MTA3: variants seen among roughly 807,000 people sequenced by gnomAD.
MTA3 encodes the protein metastasis-associated protein MTA3.
MTA3 carries 34 observed loss-of-function variants against 83.5 expected under a neutral mutation model. That is an observed-to-expected ratio of 0.41 (90% CI 0.31 to 0.54). The LOEUF (loss-of-function observed/expected upper bound fraction) is 0.54, where lower values mean the gene tolerates loss of function less well. MTA3 is among the 20% of genes least tolerant of loss of function. MTA3 has a pLI of 0.33. For missense variants in MTA3, 761 were observed against 726.4 expected (o/e 1.05, Z -0.55); for synonymous variants, 303 against 252.7 (o/e 1.20, Z -1.89).
At chr2:42,629,915 A>G (rs1195062573) in intron 4 of MTA3, among the ~76,000 whole-genome samples, 1 of 151,940 alleles carries the variant, frequency 6.6e-6, no homozygotes, top group Non-Finnish European at 1.5e-5. Context: ...AGTAGCTGGG[A>G]TTACAGCGGC....
intron 8 of MTA3, among the ~76,000 whole-genome samples, chr2:42,661,426 G>A (rs1689697122): frequency 1.3e-5 from 2 of 149,062 alleles, no homozygotes; most frequent in African/African-American, 5.0e-5. Context: ...GCTTGAGCCT[G>A]GGAGGAGAGG....
At chr2:42,641,000 G>A (rs1573433275) in intron 5 of MTA3, among the ~76,000 whole-genome samples, 2 of 152,028 alleles carry the variant, frequency 1.3e-5, no homozygotes, top group African/African-American at 4.8e-5. Flanking sequence ...TCCGCCTCCC[G>A]GGTTCAAGCA....
At chr2:42,555,507 T>C (rs1406606493) in intron 2 of MTA3, among the ~76,000 whole-genome samples, 4 of 133,872 alleles carry the variant, frequency 3.0e-5, no homozygotes, top group South Asian at 5.0e-4. Flanking sequence ...ACACCTGTAA[T>C]CTTAGCACTT....
intron 9 of MTA3, among the ~76,000 whole-genome samples, chr2:42,684,856 A>G (rs1692230661): frequency 6.6e-6 from 1 of 152,250 alleles, no homozygotes. Flanking sequence ...TCCTTACTTC[A>G]AGGAATTAGT....
intron 2 of MTA3, among the ~76,000 whole-genome samples, chr2:42,578,593 T>A (rs1558452768): frequency 6.6e-6 from 1 of 152,220 alleles, no homozygotes; most frequent in Non-Finnish European, 1.5e-5. Context: ...GCTTCCCACC[T>A]GCAGAGCTTC....
intron 13 of MTA3, among the ~76,000 whole-genome samples, chr2:42,708,566 T>A (rs6544589): frequency 0.25 from 37,794 of 151,926 alleles, 5,004 homozygotes; most frequent in East Asian, 0.52. Flanking sequence ...CTGACGGGCT[T>A]TCAGGACTCC....
intron 11 of MTA3, among the ~76,000 whole-genome samples, chr2:42,698,719 G>C (rs1192786227): frequency 2.0e-5 from 3 of 151,922 alleles, no homozygotes; most frequent in Non-Finnish European, 4.4e-5. Flanking sequence ...TTGATATTTT[G>C]TATAATACAT....
intron 2 of MTA3, among the ~76,000 whole-genome samples, chr2:42,552,943 C>G (rs969149603): frequency 5.3e-5 from 8 of 149,742 alleles, no homozygotes; most frequent in Non-Finnish European, 1.2e-4. Context: ...CCGCAAGACT[C>G]CATCTCAAAA....
chr2:42,622,366 G>C (rs1223927563), intron 4 of MTA3, among the ~76,000 whole-genome samples: 1 of 147,744 alleles, frequency 6.8e-6, no homozygotes, highest in African/African-American at 2.5e-5. Context: ...GTACCGTCCA[G>C]CTTCGGCTCG....
intron 8 of MTA3, among the ~76,000 whole-genome samples, chr2:42,668,307 A>G (rs1690480144): frequency 6.6e-6 from 1 of 152,154 alleles, no homozygotes; most frequent in Admixed American, 6.5e-5. Flanking sequence ...TCAGCAGTTT[A>G]TGTACCTTCA....
chr2:42,559,987 C>A (rs1376551350), intron 2 of MTA3, among the ~76,000 whole-genome samples: 1 of 152,058 alleles, frequency 6.6e-6, no homozygotes, highest in East Asian at 1.9e-4. Flanking sequence ...ATGTCAATCT[C>A]CTATCAAGTC....
chr2:42,521,030 G>C (rs917092813), intron 2 of MTA3, among the ~76,000 whole-genome samples: 1 of 152,168 alleles, frequency 6.6e-6, no homozygotes, highest in Non-Finnish European at 1.5e-5. Flanking sequence ...CCTGTGGTAG[G>C]CAGCCTGTAA....
chr2:42,746,863 G>T (rs570978666), intron 16 of MTA3, among the ~76,000 whole-genome samples: 1 of 152,184 alleles, frequency 6.6e-6, no homozygotes, highest in Non-Finnish European at 1.5e-5. Context: ...AACTCTGCCC[G>T]CTTGGGCCTT....
In MTA3 at chr2:42,640,168, A is replaced by G; in HGVS notation, c.318-5A>G. ...TACATTTATTCTTTTTTTCTTTTTC[A>G]ACAGGGGAAAGTGCAGTGTTGCCCT... On this transcript the variant is annotated splice_polypyrimidine_tract_variant and splice_region_variant and intron_variant, in intron 4 of 16. Transcript: ENST00000405094. 1 of 1,598,706 alleles carries G rather than the reference A, an allele frequency of 6.3e-7. No homozygotes were observed. Among genetic ancestry groups the G allele is most frequent in the Non-Finnish European group, 8.5e-7 (1 of 1,173,544 alleles).
intron 6 of MTA3, 34 bp from the exon 7 acceptor site, chr2:42,656,166 G>T (rs1366457992): frequency 1.3e-6 from 2 of 1,496,032 alleles, no homozygotes; most frequent in Non-Finnish European, 1.9e-6. Context: ...TGCCTTGTCA[G>T]TAACAAGACT....
At chr2:42,544,267 G>A (rs1676655630) in intron 2 of MTA3, among the ~76,000 whole-genome samples, 1 of 151,890 alleles carries the variant, frequency 6.6e-6, no homozygotes, top group Non-Finnish European at 1.5e-5. Flanking sequence ...CCAACACAGT[G>A]AAACCTCGTC....
intron 2 of MTA3, among the ~76,000 whole-genome samples, chr2:42,557,898 G>A (rs1558434621): frequency 6.6e-6 from 1 of 152,156 alleles, no homozygotes; most frequent in Non-Finnish European, 1.5e-5. Context: ...CCCTCTCTGT[G>A]TCCTTGGAGT....
In MTA3 at chr2:42,510,347, T is replaced by C. The variant is rs1674840460; in HGVS notation, c.-141+15093T>C. On this transcript the variant is annotated intron_variant, in intron 2 of 17. Coordinates refer to the MTA3 transcript ENST00000405592. The stretch of plus-strand genomic sequence containing the variant: ...AAAAAAAAAAGCACAGCAGAAATCC[T>C]CGTTTAGCTGGCCCCAATCCTGGGT... Among the ~76,000 whole-genome samples, 4 of 144,536 alleles carry C rather than the reference T, an allele frequency of 2.8e-5. No homozygotes were observed. In the South Asian group the frequency reaches 8.7e-4, roughly 31 times the overall value. The allele number at this position is 144,536 out of a possible 152,430, so 94.8% of individuals were successfully genotyped here.
chr2:42,630,251 T>C (rs939398377), intron 4 of MTA3, among the ~76,000 whole-genome samples: 2 of 152,218 alleles, frequency 1.3e-5, no homozygotes, highest in African/African-American at 4.8e-5. Flanking sequence ...AAGTGCAGCC[T>C]GATTAATACT....
Sources: gnomAD v4.1 joint callset for allele counts (sites outside exome capture counted in the v4.1 genomes callset) on GRCh38, gnomAD v4.1.1 for gene constraint, MANE v1.5 for transcripts, NCBI Gene and HGNC (gene_info 2026-07-23, HGNC 2026-07-21) for gene names.